Variants in NFIB observed in about 807,000 individuals in gnomAD.
The protein encoded by NFIB is nuclear factor 1 B-type.
In NFIB, 11 loss-of-function variants were observed where a neutral mutation model predicts 61.5. The ratio of observed to expected loss-of-function variants is 0.18; its 90% confidence interval spans 0.11 to 0.30. The LOEUF is 0.30. Among genes scored for constraint, NFIB ranks in the 10% least tolerant of loss-of-function variants. The pLI is 1.00. For missense variants in NFIB, 471 were observed against 608.9 expected (o/e 0.77, Z 2.38); for synonymous variants, 260 against 216.5 (o/e 1.20, Z -1.76).
At chr9:14,498,763 G>T in the NFIB span, among the ~76,000 whole-genome samples, 2 of 115,142 alleles carry the variant, frequency 1.7e-5, no homozygotes, top group Admixed American at 9.6e-5. Context: ...AAACACTCAT[G>T]GCCCTCCCTC....
At chr9:14,193,789 A>G (rs567259579) in intron 2 of NFIB, among the ~76,000 whole-genome samples, 2 of 152,212 alleles carry the variant, frequency 1.3e-5, no homozygotes, top group Non-Finnish European at 2.9e-5. Context: ...ACTGTGCTAG[A>G]TAACAGCCCG....
intron 2 of NFIB, chr9:14,204,401 G>T: frequency 8.9e-7 from 1 of 1,123,458 alleles, no homozygotes; most frequent in South Asian, 1.2e-5. Flanking sequence ...AAGAGACCTC[G>T]CCCGCTTTGT....
the NFIB span, among the ~76,000 whole-genome samples, chr9:14,531,687 T>TAA: frequency 3.1e-3 from 442 of 144,446 alleles, 1 homozygote; most frequent in African/African-American, 8.7e-3. Context: ...CATTTTTCTT[T>TAA]AAAAAAAAAA....
At chr9:14,260,724 C>T (rs1319980014) in intron 2 of NFIB, among the ~76,000 whole-genome samples, 6 of 152,186 alleles carry the variant, frequency 3.9e-5, no homozygotes, top group Non-Finnish European at 7.3e-5. Context: ...CAGGATAGCT[C>T]AGATCCTACC....
intron 1 of NFIB, among the ~76,000 whole-genome samples, chr9:14,363,588 T>C (rs762130764): frequency 6.6e-6 from 1 of 151,228 alleles, no homozygotes; most frequent in Non-Finnish European, 1.5e-5. Context: ...GGCATGTATA[T>C]GTGTGTACAT....
At chr9:14,255,064 A>C (rs540866958) in intron 2 of NFIB, among the ~76,000 whole-genome samples, 57 of 152,220 alleles carry the variant, frequency 3.7e-4, no homozygotes, top group Non-Finnish European at 7.4e-4. Flanking sequence ...TCTTCAAAAT[A>C]AAAATAAAAA....
chr9:14,524,778 G>A, the NFIB span, among the ~76,000 whole-genome samples: 1 of 152,196 alleles, frequency 6.6e-6, no homozygotes, highest in Non-Finnish European at 1.5e-5. Context: ...GTTGGCTGGT[G>A]AGAATTTACC....
intron 6 of NFIB, among the ~76,000 whole-genome samples, chr9:14,129,645 T>A (rs963691886): frequency 2.6e-5 from 4 of 152,046 alleles, no homozygotes; most frequent in African/African-American, 9.7e-5. Context: ...GTTTGAAGAA[T>A]GAATATATAG....
chr9:14,397,403 C>A (rs1173995019), intron 1 of NFIB, among the ~76,000 whole-genome samples: 2 of 152,184 alleles, frequency 1.3e-5, no homozygotes, highest in African/African-American at 4.8e-5. Flanking sequence ...GACAATGGAA[C>A]TTTAGGTAGC....
At chr9:14,134,907 A>AAAAAAAAAAAAAAAAAAAAC (rs1563820775) in intron 6 of NFIB, among the ~76,000 whole-genome samples, 8 of 125,948 alleles carry the variant, frequency 6.4e-5, no homozygotes, top group African/African-American at 2.4e-4. Context: ...CAAAAAAAAA[A>AAAAAAAAAAAAAAAAAAAAC]AAAAAAAAAA....
intron 6 of NFIB, among the ~76,000 whole-genome samples, chr9:14,129,090 G>T (rs2040066928): frequency 6.6e-6 from 1 of 151,958 alleles, no homozygotes; most frequent in African/African-American, 2.4e-5. Context: ...GACCAACACA[G>T]AAGAAACAGA....
chr9:14,232,672 C>A (rs1235703896), intron 2 of NFIB, among the ~76,000 whole-genome samples: 1 of 152,152 alleles, frequency 6.6e-6, no homozygotes, highest in South Asian at 2.1e-4. Context: ...TCTAAGAATT[C>A]TTTTCACCTT....
At chr9:14,228,050 C>G (rs2052654421) in intron 2 of NFIB, among the ~76,000 whole-genome samples, 2 of 152,192 alleles carry the variant, frequency 1.3e-5, no homozygotes, top group South Asian at 4.2e-4. Context: ...TACAACTTTG[C>G]ATTTTCTATC....
intron 3 of NFIB, among the ~76,000 whole-genome samples, chr9:14,171,612 G>A (rs1489577781): frequency 6.6e-6 from 1 of 152,106 alleles, no homozygotes; most frequent in East Asian, 1.9e-4. Flanking sequence ...AAGGGTTCCT[G>A]GGAAAGAAAT....
chr9:14,252,506 T>C (rs916463366), intron 2 of NFIB, among the ~76,000 whole-genome samples: 2 of 152,134 alleles, frequency 1.3e-5, no homozygotes, highest in African/African-American at 4.8e-5. Context: ...GGTAAAGAAG[T>C]GTCATGATTT....
At chr9:14,231,376 G>C (rs2053177235) in intron 2 of NFIB, among the ~76,000 whole-genome samples, 1 of 151,918 alleles carries the variant, frequency 6.6e-6, no homozygotes, top group African/African-American at 2.4e-5. Flanking sequence ...GACTGTAAAA[G>C]AATGGAGGAT....
the NFIB span, among the ~76,000 whole-genome samples, chr9:14,406,162 T>C: frequency 6.6e-6 from 1 of 152,158 alleles, no homozygotes; most frequent in Non-Finnish European, 1.5e-5. Flanking sequence ...TGAAGACCAA[T>C]GGACAAGGGA....
chr9:14,404,439 T>C, the NFIB span, among the ~76,000 whole-genome samples: 6 of 152,184 alleles, frequency 3.9e-5, no homozygotes, highest in Admixed American at 6.5e-5. Flanking sequence ...CATATACATA[T>C]ACAGAATAAA....
intron 1 of NFIB, among the ~76,000 whole-genome samples, chr9:14,345,219 C>A (rs553801837): frequency 1.4e-4 from 22 of 152,286 alleles, no homozygotes; most frequent in Non-Finnish European, 2.9e-4. Flanking sequence ...ATCTCCAAAG[C>A]CTTTAACTTT....
Sources: gnomAD v4.1 joint callset for allele counts (sites outside exome capture counted in the v4.1 genomes callset) on GRCh38, gnomAD v4.1.1 for gene constraint, MANE v1.5 for transcripts, NCBI Gene and HGNC (gene_info 2026-07-23, HGNC 2026-07-21) for gene names.